Variants in KLHL1 observed in about 807,000 individuals in gnomAD.
KLHL1 encodes kelch like family member 1.
A neutral mutation model predicts 77.7 loss-of-function variants in KLHL1; 47 were observed. The ratio of observed to expected loss-of-function variants is 0.60; its 90% CI spans 0.48 to 0.77. The LOEUF is 0.77. Among genes scored for constraint, KLHL1 ranks in the 30% least tolerant of loss-of-function variants. KLHL1 has a pLI of 0.00. For synonymous variants in KLHL1, 360 were observed against 325.2 expected, an observed-to-expected ratio of 1.11 and a Z score of -1.15; for missense variants, 925 against 910.8, an observed-to-expected ratio of 1.02 and a Z score of -0.20.
chr13:69,809,541 G>A (rs1877772426), intron 6 of KLHL1, among the ~76,000 whole-genome samples: 1 of 152,086 alleles, frequency 6.6e-6, no homozygotes. Context: ...TCGGCTCTAT[G>A]AGAGATGCTT....
intron 1 of KLHL1, among the ~76,000 whole-genome samples, chr13:70,083,825 A>T (rs1242507252): frequency 6.6e-6 from 1 of 152,126 alleles, no homozygotes. Flanking sequence ...TTGTATACAT[A>T]TATTTAAACA....
At chr13:69,787,185 A>AT (rs1876599801) in intron 7 of KLHL1, among the ~76,000 whole-genome samples, 1 of 152,212 alleles carries the variant, frequency 6.6e-6, no homozygotes. Flanking sequence ...GAACCAAAAA[A>AT]GAGCCCTCAT....
At chr13:69,820,163 C>G (rs1299717840) in intron 6 of KLHL1, among the ~76,000 whole-genome samples, 1 of 152,158 alleles carries the variant, frequency 6.6e-6, no homozygotes, top group Non-Finnish European at 1.5e-5. Context: ...CTATATCAAA[C>G]TGTGTAATTT....
chr13:69,917,903 A>G (rs1029566762), intron 4 of KLHL1, among the ~76,000 whole-genome samples: 1 of 152,086 alleles, frequency 6.6e-6, no homozygotes, highest in African/African-American at 2.4e-5. Flanking sequence ...TTTTCACTGT[A>G]CTAAGATTGT....
intron 1 of KLHL1, among the ~76,000 whole-genome samples, chr13:69,991,674 AC>A (rs1885032416): frequency 6.9e-6 from 1 of 144,252 alleles, no homozygotes; most frequent in Non-Finnish European, 1.5e-5. Context: ...TAGCCTATCA[AC>A]CAAAAAAAAA....
At chr13:70,088,166 TC>T (rs1226888800) in intron 1 of KLHL1, among the ~76,000 whole-genome samples, 1 of 152,176 alleles carries the variant, frequency 6.6e-6, no homozygotes, top group Non-Finnish European at 1.5e-5. Context: ...CTGATTTTTT[TC>T]CAGCTTTATG....
chr13:69,959,427 T>C (rs1883996997), intron 3 of KLHL1, among the ~76,000 whole-genome samples: 1 of 151,904 alleles, frequency 6.6e-6, no homozygotes, highest in Non-Finnish European at 1.5e-5. Flanking sequence ...TATTCCTCCA[T>C]ATGACTGTTT....
rs71116960 is a variant in KLHL1 at position 69,926,946 on chromosome 13, C to CA, written c.1014+13093dup. The stretch of plus-strand genomic sequence containing the variant: ...TGGGTGACAGAGTGAGACTCCATCT[C>CA]AAAAAAAAAAAAAAAAAAAAAAAAG... On this transcript the variant is annotated intron_variant, in intron 4 of 10. Coordinates refer to ENST00000377844, the MANE Select transcript of KLHL1 (RefSeq NM_020866.3). Among the ~76,000 whole-genome samples, 239 of 35,982 alleles carry CA rather than the reference C, an allele frequency of 6.6e-3. 24 individuals carry two copies. Among genetic ancestry groups the CA allele is most frequent in the Admixed American group, 0.03 (50 of 1,692 alleles). 23.6% of individuals were successfully genotyped at this position (35,982 alleles called of 152,430 possible).
At chr13:70,095,335 G>C (rs906771078) in intron 1 of KLHL1, among the ~76,000 whole-genome samples, 3 of 152,016 alleles carry the variant, frequency 2.0e-5, no homozygotes, top group Non-Finnish European at 4.4e-5. Context: ...TAGATCCTTA[G>C]GACTATCAGG....
chr13:70,080,243 G>A (rs942996363), intron 1 of KLHL1, among the ~76,000 whole-genome samples: 3 of 152,168 alleles, frequency 2.0e-5, no homozygotes, highest in South Asian at 2.1e-4. Flanking sequence ...GCATGCCAAC[G>A]TGGCTTGGCT....
intron 7 of KLHL1, among the ~76,000 whole-genome samples, chr13:69,783,746 A>G (rs1248463533): frequency 7.6e-6 from 1 of 132,030 alleles, no homozygotes; most frequent in Non-Finnish European, 1.6e-5. Flanking sequence ...ACCAAGTTGG[A>G]AAACACTCTG....
chr13:69,878,885 A>G (rs1213438757), intron 5 of KLHL1, among the ~76,000 whole-genome samples: 1 of 152,200 alleles, frequency 6.6e-6, no homozygotes, highest in Non-Finnish European at 1.5e-5. Flanking sequence ...GATTAAGAAA[A>G]TATGGTACAT....
At chr13:70,000,680 T>C (rs905868226) in intron 1 of KLHL1, among the ~76,000 whole-genome samples, 2 of 151,836 alleles carry the variant, frequency 1.3e-5, no homozygotes, top group African/African-American at 4.8e-5. Context: ...TCTAAAAATA[T>C]AATTTAAATA....
chr13:70,019,845 T>G (rs1023228042), intron 1 of KLHL1, among the ~76,000 whole-genome samples: 2 of 152,160 alleles, frequency 1.3e-5, no homozygotes, highest in Non-Finnish European at 2.9e-5. Context: ...AATGCGACAG[T>G]GTTAAGATAT....
intron 1 of KLHL1, among the ~76,000 whole-genome samples, chr13:70,000,324 G>GA (rs1490827620): frequency 2.6e-5 from 4 of 151,910 alleles, no homozygotes; most frequent in African/African-American, 9.7e-5. Flanking sequence ...AAGAAATTGT[G>GA]AAAATGAAAG....
intron 4 of KLHL1, among the ~76,000 whole-genome samples, chr13:69,911,053 A>G (rs887140397): frequency 6.6e-6 from 1 of 152,116 alleles, no homozygotes; most frequent in South Asian, 2.1e-4. Flanking sequence ...CAGACAACCC[A>G]GAAGGTACAC....
chr13:69,931,575 C>A (rs1883005506), intron 4 of KLHL1, among the ~76,000 whole-genome samples: 1 of 151,764 alleles, frequency 6.6e-6, no homozygotes, highest in Non-Finnish European at 1.5e-5. Flanking sequence ...AATCTTCAAT[C>A]ATAGGAAAAT....
intron 7 of KLHL1, among the ~76,000 whole-genome samples, chr13:69,788,971 CTCAGGAGAAT>C (rs1334633862): frequency 6.7e-6 from 1 of 150,248 alleles, no homozygotes; most frequent in Non-Finnish European, 1.5e-5. Context: ...CTTTTCCCCT[CTCAGGAGAAT>C]TCAGGAGAAA....
intron 1 of KLHL1, among the ~76,000 whole-genome samples, chr13:70,079,058 G>A (rs1478311227): frequency 6.6e-6 from 1 of 152,234 alleles, no homozygotes; most frequent in South Asian, 2.1e-4. Flanking sequence ...AACATGGAGT[G>A]CTTCAGAGTA....
Sources: gnomAD v4.1 joint callset for allele counts (sites outside exome capture counted in the v4.1 genomes callset) on GRCh38, gnomAD v4.1.1 for gene constraint, MANE v1.5 for transcripts, NCBI Gene and HGNC (gene_info 2026-07-23, HGNC 2026-07-21) for gene names.